The following LUZP2 variants were observed in gnomAD, a reference collection of about 807,000 sequenced individuals.
The protein encoded by LUZP2 is leucine zipper protein 2.
LUZP2 carries 52 observed loss-of-function variants against 51.6 expected under a neutral mutation model. That is an observed-to-expected ratio of 1.01 (90% confidence interval 0.81 to 1.27). LUZP2 has a LOEUF of 1.27. Ranked by LOEUF, LUZP2 falls within the 50% of genes most tolerant of loss-of-function variation. LUZP2 has a pLI of 0.00. For synonymous variants in LUZP2, 154 were observed against 137.3 expected (o/e 1.12, Z -0.85); for missense variants, 436 against 395.4 (o/e 1.10, Z -0.87).
chr11:24,815,555 G>A (rs1421566339), intron 5 of LUZP2, among the ~76,000 whole-genome samples: 1 of 152,114 alleles, frequency 6.6e-6, no homozygotes, highest in African/African-American at 2.4e-5. Flanking sequence ...ATAAGTAAGA[G>A]TTGAAAGTGG....
intron 5 of LUZP2, among the ~76,000 whole-genome samples, chr11:24,818,759 G>A (rs760448580): frequency 3.3e-5 from 5 of 151,850 alleles, no homozygotes; most frequent in Non-Finnish European, 5.9e-5. Context: ...TCACAGAGAC[G>A]CTTTCATGAC....
At chr11:24,567,670 GAA>G (rs1298017499) in intron 1 of LUZP2, among the ~76,000 whole-genome samples, 1 of 152,066 alleles carries the variant, frequency 6.6e-6, no homozygotes, top group Non-Finnish European at 1.5e-5. Context: ...GAAGCAGTAT[GAA>G]AAGACTTTCA....
intron 5 of LUZP2, among the ~76,000 whole-genome samples, chr11:24,836,013 C>A (rs1850850313): frequency 6.6e-6 from 1 of 151,878 alleles, no homozygotes; most frequent in Admixed American, 6.6e-5. Context: ...AATGCAGATG[C>A]CATATGGTAC....
chr11:24,554,973 G>A (rs1307208743), intron 1 of LUZP2, among the ~76,000 whole-genome samples: 1 of 152,046 alleles, frequency 6.6e-6, no homozygotes, highest in Admixed American at 6.6e-5. Flanking sequence ...GTGTCTTGAG[G>A]CATGAAGGCA....
intron 1 of LUZP2, among the ~76,000 whole-genome samples, chr11:24,579,723 G>A (rs978687608): frequency 2.6e-5 from 4 of 151,968 alleles, no homozygotes; most frequent in Non-Finnish European, 2.9e-5. Flanking sequence ...GTGTCATCTG[G>A]AAATGAGTTG....
chr11:24,664,717 C>T (rs1856153824), intron 1 of LUZP2, among the ~76,000 whole-genome samples: 1 of 152,152 alleles, frequency 6.6e-6, no homozygotes, highest in African/African-American at 2.4e-5. Context: ...ATGATAAAAG[C>T]CCTAAGCCTT....
intron 1 of LUZP2, among the ~76,000 whole-genome samples, chr11:24,600,411 T>C (rs1408420126): frequency 5.3e-5 from 8 of 152,142 alleles, no homozygotes; most frequent in Admixed American, 5.2e-4. Flanking sequence ...AATACATTTC[T>C]GTTGTTTTAA....
chr11:24,584,654 A>C (rs747320223), intron 1 of LUZP2, among the ~76,000 whole-genome samples: 9 of 152,138 alleles, frequency 5.9e-5, no homozygotes, highest in East Asian at 1.9e-4. Flanking sequence ...GTGCTCTGGC[A>C]TGTGTGTGTA....
At chr11:25,071,561 C>A (rs1167194482) in intron 10 of LUZP2, among the ~76,000 whole-genome samples, 4 of 151,722 alleles carry the variant, frequency 2.6e-5, no homozygotes, top group Non-Finnish European at 5.9e-5. Flanking sequence ...AAATTGCTTT[C>A]TATTTGAAGT....
intron 1 of LUZP2, among the ~76,000 whole-genome samples, chr11:24,662,555 A>C (rs1295531531): frequency 6.6e-6 from 1 of 152,108 alleles, no homozygotes; most frequent in Non-Finnish European, 1.5e-5. Flanking sequence ...TTCTGAAGAA[A>C]AACAGAGAAA....
At chr11:24,507,483 T>C (rs1181962178) in intron 1 of LUZP2, among the ~76,000 whole-genome samples, 1 of 152,114 alleles carries the variant, frequency 6.6e-6, no homozygotes, top group Non-Finnish European at 1.5e-5. Flanking sequence ...CCGCCTCACA[T>C]AGCTTTCTTT....
chr11:24,990,781 CA>C (rs997577993), intron 9 of LUZP2, among the ~76,000 whole-genome samples: 1 of 151,818 alleles, frequency 6.6e-6, no homozygotes, highest in Non-Finnish European at 1.5e-5. Context: ...ATATATTTTT[CA>C]AATCCTTACA....
chr11:24,785,377 G>A (rs1407201147), intron 5 of LUZP2, among the ~76,000 whole-genome samples: 2 of 152,018 alleles, frequency 1.3e-5, no homozygotes, highest in African/African-American at 4.8e-5. Flanking sequence ...GATTAATGGT[G>A]TGTTAAAAAG....
chr11:24,991,757 C>T (rs532658841), intron 9 of LUZP2, among the ~76,000 whole-genome samples: 2 of 151,966 alleles, frequency 1.3e-5, no homozygotes, highest in African/African-American at 4.8e-5. Flanking sequence ...ATGATTATGG[C>T]CATTCTTGCA....
At chr11:24,673,091 A>T (rs1856449161) in intron 1 of LUZP2, among the ~76,000 whole-genome samples, 1 of 151,872 alleles carries the variant, frequency 6.6e-6, no homozygotes, top group Admixed American at 6.6e-5. Context: ...CCAACATAAC[A>T]CCACCCCCAC....
intron 1 of LUZP2, among the ~76,000 whole-genome samples, chr11:24,593,303 A>T (rs1323105955): frequency 6.6e-6 from 1 of 152,138 alleles, no homozygotes; most frequent in Non-Finnish European, 1.5e-5. Context: ...GTATATCATT[A>T]TTCCTGTTGT....
At chr11:24,987,271 A>G (rs1239790696) in intron 9 of LUZP2, among the ~76,000 whole-genome samples, 6 of 151,944 alleles carry the variant, frequency 3.9e-5, no homozygotes, top group African/African-American at 1.4e-4. Context: ...TTTACATTGT[A>G]TTATTTTTCA....
chr11:24,608,903 T>A lies in LUZP2; in HGVS notation c.62+111598T>A, dbSNP rs955854499. 3.9e-5 allele frequency among the ~76,000 whole-genome samples: 6 copies of A among 152,042 alleles called. No individual in the cohort carries two copies. In the East Asian group the frequency reaches 9.6e-4, roughly 24 times the overall value. ...TTTTTCAAATATATATATACAGGAG[T>A]TCTCCAACCAAATACTTTGGGTTTA... On this transcript the variant is annotated intron_variant, in intron 1 of 11. Transcript: ENST00000336930.
At chr11:25,044,271 A>G (rs866057925) in intron 9 of LUZP2, among the ~76,000 whole-genome samples, 1 of 123,824 alleles carries the variant, frequency 8.1e-6, no homozygotes, top group African/African-American at 3.6e-5. Context: ...ATATATATAT[A>G]TATATATATA....
Sources: gnomAD v4.1 joint callset for allele counts (sites outside exome capture counted in the v4.1 genomes callset) on GRCh38, gnomAD v4.1.1 for gene constraint, MANE v1.5 for transcripts, NCBI Gene and HGNC (gene_info 2026-07-23, HGNC 2026-07-21) for gene names.